Variants in ADGRL1 observed in about 807,000 individuals in gnomAD.
ADGRL1 encodes the protein CIRL-1.
Under a neutral mutation model 148.9 loss-of-function variants are expected in ADGRL1, and 31 were observed. The ratio of observed to expected loss-of-function variants is 0.21; its 90% confidence interval spans 0.16 to 0.28. The LOEUF (loss-of-function observed/expected upper bound fraction) is 0.28, where lower values mean the gene tolerates loss of function less well. Ranked by LOEUF, ADGRL1 falls within the 10% of genes least tolerant of loss-of-function variation. ADGRL1 has a pLI of 1.00. For missense variants in ADGRL1, 1,521 were observed against 2,058.8 expected, an observed-to-expected ratio of 0.74 and a Z score of 5.05; for synonymous variants, 937 against 900.3, an observed-to-expected ratio of 1.04 and a Z score of -0.73.
At chr19:14,204,263 G>C (rs1972809590) in intron 1 of ADGRL1, among the ~76,000 whole-genome samples, 1 of 152,102 alleles carries the variant, frequency 6.6e-6, no homozygotes, top group Non-Finnish European at 1.5e-5. Flanking sequence ...TTTGGCATTA[G>C]TGGGAGGGGA....
chr19:14,196,928 C>T (rs1445544903), intron 1 of ADGRL1, among the ~76,000 whole-genome samples: 1 of 152,068 alleles, frequency 6.6e-6, no homozygotes, highest in Non-Finnish European at 1.5e-5. Flanking sequence ...CTCAGCACAG[C>T]GCCTGGCACA....
chr19:14,160,332 G>C lies in ADGRL1; in HGVS notation c.1615-35C>G, dbSNP rs201007344. 3 of 1,552,246 alleles carry C rather than the reference G, an allele frequency of 1.9e-6. No individual in the cohort carries two copies. The highest frequency in any genetic ancestry group is 8.8e-7 in the Non-Finnish European group (1 of 1,139,028). ...GTGGGGGCGGGAAGGGGGAATCCCA[G>C]GACTGTCAGGGACCATCCTGCCCTC... On this transcript the variant is annotated intron_variant, in intron 7 of 22. Coordinates refer to ENST00000361434, the MANE Select transcript of ADGRL1 (RefSeq NM_014921.5). The surrounding 1 kb of genome is among the most constrained non-coding windows in gnomAD (Gnocchi z 5.9).
chr19:14,194,261 C>T (rs149316021), intron 1 of ADGRL1, among the ~76,000 whole-genome samples: 65 of 152,292 alleles, frequency 4.3e-4, no homozygotes, highest in Non-Finnish European at 7.5e-4. Flanking sequence ...AAAGCTGTCC[C>T]GTCTGTGGTA....
At chr19:14,166,321 C>G (rs1005157108) in intron 4 of ADGRL1, among the ~76,000 whole-genome samples, 3 of 150,924 alleles carry the variant, frequency 2.0e-5, no homozygotes, top group African/African-American at 7.3e-5. Context: ...CAGGGCTGGG[C>G]CCCCAGCTGG....
At chr19:14,153,749 G>C (rs1419010464) in intron 18 of ADGRL1, among the ~76,000 whole-genome samples, 4 of 150,248 alleles carry the variant, frequency 2.7e-5, no homozygotes, top group African/African-American at 4.9e-5. Flanking sequence ...TCAGGAGTTC[G>C]AGACCAGCCT....
rs1281666566 is a variant in ADGRL1 at position 14,161,828 on chromosome 19, A to G, written c.1196-202T>C. Among the ~76,000 whole-genome samples, 1 of 152,088 alleles carries G rather than the reference A, an allele frequency of 6.6e-6. No individual in the cohort carries two copies. Among genetic ancestry groups the G allele is most frequent in the East Asian group, 1.9e-4 (1 of 5,178 alleles). ...TCCCTTATGCCCATGGGCCCATATA[A>G]AGTAGCAAAGAGTGGTAAAAATCCA... On this transcript the variant is annotated intron_variant, in intron 5 of 22. Transcript: ENST00000361434. This position sits in a 1 kb window ranked among gnomAD's most constrained non-coding sequence, Gnocchi z 4.4.
intron 3 of ADGRL1, among the ~76,000 whole-genome samples, chr19:14,173,845 G>C (rs940560560): frequency 6.6e-6 from 1 of 151,096 alleles, no homozygotes; most frequent in African/African-American, 2.4e-5. Context: ...CACTTGCGAG[G>C]CTGAAGCAGG....
At chr19:14,204,493 A>G (rs1180033951) in intron 1 of ADGRL1, among the ~76,000 whole-genome samples, 1 of 151,768 alleles carries the variant, frequency 6.6e-6, no homozygotes, top group Non-Finnish European at 1.5e-5. Context: ...GTCAGGTTAG[A>G]CTCATGCCAG....
At chr19:14,165,935 A>G (rs1342343921) in intron 4 of ADGRL1, among the ~76,000 whole-genome samples, 2 of 152,064 alleles carry the variant, frequency 1.3e-5, no homozygotes, top group Non-Finnish European at 2.9e-5. Context: ...ATTTCCCAAA[A>G]CTTTCTGGAG....
At position 14,151,256 on chromosome 19, in the gene ADGRL1, G is replaced by A; in HGVS notation, c.4027C>T (p.Arg1343Trp). Residue 1343 changes from arginine to tryptophan, a missense_variant, in exon 23 of 23, where the codon CGG becomes TGG. By Grantham distance (101) the Arg-to-Trp change is moderately radical. Coordinates refer to ENST00000361434, the MANE Select transcript of ADGRL1 (RefSeq NM_014921.5). ...CTCTGGTACAGCACCGACTGGGCCCGGGGCAGCAGCAGAGGCTCCTCCAGG... is the reference window on the plus strand; with the variant it reads ...CTCTGGTACAGCACCGACTGGGCCCAGGGCAGCAGCAGAGGCTCCTCCAGG... ...KALEEPLLLP[R>W]AQSVLYQSDL... is the part of the protein sequence containing the mutation. The A allele has an allele frequency of 3.1e-6, 5 of 1,612,062 alleles. No individual in the cohort carries two copies. Among genetic ancestry groups the A allele is most frequent in the Non-Finnish European group, 4.2e-6 (5 of 1,179,716 alleles).
chr19:14,176,073 C>T (rs1970803961), intron 3 of ADGRL1, among the ~76,000 whole-genome samples: 1 of 150,566 alleles, frequency 6.6e-6, no homozygotes, highest in South Asian at 2.1e-4. Context: ...CAAAACAGGC[C>T]GGGCGCAGTG....
chr19:14,161,748 G>C lies in ADGRL1; in HGVS notation c.1196-122C>G, dbSNP rs575190603. On this transcript the variant is annotated intron_variant, in intron 5 of 22. Transcript: ENST00000361434. The surrounding 1 kb of genome is among the most constrained non-coding windows in gnomAD (Gnocchi z 4.4). ...ATCTACTGAAGTGGAAACACGTGCC[G>C]GGCCCCACTGGGTCTATGAGTTGAT... 34 of 660,292 alleles carry C rather than the reference G, an allele frequency of 5.1e-5. No individual in the cohort carries two copies. The highest frequency in any genetic ancestry group is 7.2e-5 in the Non-Finnish European group (32 of 446,354). The allele number at this position is 660,292 out of a possible 1,614,324, so 40.9% of individuals were successfully genotyped here. A position where few individuals can be genotyped will look rare whatever the true frequency, so the allele number is the denominator to read the frequency against.
At chr19:14,201,813 G>A (rs1388792188) in intron 1 of ADGRL1, among the ~76,000 whole-genome samples, 2 of 152,124 alleles carry the variant, frequency 1.3e-5, no homozygotes, top group Non-Finnish European at 2.9e-5. Flanking sequence ...CGCGCGCTTG[G>A]ATCCTCCTCA....
intron 2 of ADGRL1, 119 bp downstream of exon 2, chr19:14,183,414 G>A: frequency 2.2e-6 from 2 of 922,812 alleles, no homozygotes; most frequent in Non-Finnish European, 3.3e-6. Context: ...CTGAGGTCTG[G>A]GGCGGGGCAG....
At chr19:14,175,343 C>T (rs1169912768) in intron 3 of ADGRL1, among the ~76,000 whole-genome samples, 1 of 151,332 alleles carries the variant, frequency 6.6e-6, no homozygotes, top group Non-Finnish European at 1.5e-5. Flanking sequence ...ACACATCTGC[C>T]CACAGACACA....
At chr19:14,165,384 G>T (rs1003710252) in intron 4 of ADGRL1, among the ~76,000 whole-genome samples, 15 of 152,216 alleles carry the variant, frequency 9.9e-5, no homozygotes, top group Non-Finnish European at 1.8e-4. Context: ...CTGAGGGGAC[G>T]TGTTTGTGTG....
rs2144589011 is a variant in ADGRL1 at position 14,151,070 on chromosome 19, G to GGGGC, written c.4212_4213insGCCC (p.Pro1405AlafsTer39). 46 of 709,138 alleles carry GGGGC rather than the reference G, an allele frequency of 6.5e-5. No individual in the cohort carries two copies. Among genetic ancestry groups the GGGGC allele is most frequent in the Non-Finnish European group, 8.7e-5 (40 of 458,858 alleles). 43.9% of individuals were successfully genotyped at this position (709,138 alleles called of 1,614,324 possible). A position where few individuals can be genotyped will look rare whatever the true frequency, so the allele number is the denominator to read the frequency against. The stretch of plus-strand genomic sequence containing the variant: ...CCGGGGGGTGCGGGAGGGGGTGGGG[G>GGGGC]CAGGGCCTCACTGGGCCCCTCAGGG... On this transcript the variant is annotated frameshift_variant, in exon 23 of 23. Coordinates refer to ENST00000361434, the MANE Select transcript of ADGRL1 (RefSeq NM_014921.5). LOFTEE classifies it high-confidence loss of function.
rs1458348197 is a variant in ADGRL1 at position 14,152,665 on chromosome 19, C to T, written c.3424-52G>A. On this transcript the variant is annotated intron_variant, in intron 19 of 22. Coordinates refer to ENST00000361434, the MANE Select transcript of ADGRL1 (RefSeq NM_014921.5). This position sits in a 1 kb window ranked among gnomAD's most constrained non-coding sequence, Gnocchi z 6.1. ...GATCCTTGGGCCACCCACCCTCTGG[C>T]GTCTTTCTGAGACTGCTCACCTGAT... The T allele has an allele frequency of 5.6e-6, 9 of 1,602,756 alleles. No individual in the cohort carries two copies. Among genetic ancestry groups the T allele is most frequent in the Admixed American group, 1.7e-5 (1 of 59,738 alleles).
At chr19:14,183,388 C>T in intron 2 of ADGRL1, 145 bp downstream of exon 2, 1 of 716,640 alleles carries the variant, frequency 1.4e-6, no homozygotes, top group Admixed American at 2.7e-5. Flanking sequence ...CTGAGTCTTC[C>T]ACTGGCCTGC....
Sources: gnomAD v4.1 joint callset for allele counts (sites outside exome capture counted in the v4.1 genomes callset) on GRCh38, gnomAD v4.1.1 for gene constraint, Gnocchi (gnomAD v3.1) non-coding constraint, MANE v1.5 for transcripts, NCBI Gene and HGNC (gene_info 2026-07-23, HGNC 2026-07-21) for gene names.